The following ERV3-1 variants were observed in gnomAD, a reference collection of about 807,000 sequenced individuals.
ERV3-1 encodes the protein endogenous retrovirus group 3 member 1 Env polyprotein.
In ERV3-1, 36 loss-of-function variants were observed where a neutral mutation model predicts 24.6. That is an observed-to-expected ratio of 1.47 (90% CI 1.12 to 1.94). The LOEUF (loss-of-function observed/expected upper bound fraction) is 1.94. ERV3-1 is among the 30% of genes most tolerant of loss of function. ERV3-1 has a pLI of 0.00. For synonymous variants in ERV3-1, 211 were observed against 122.6 expected, an observed-to-expected ratio of 1.72 and a Z score of -4.76; for missense variants, 578 against 330.9, an observed-to-expected ratio of 1.75 and a Z score of -5.79.
chr7:64,998,343 A>G (rs1786449432), intron 1 of ERV3-1, among the ~76,000 whole-genome samples: 1 of 152,130 alleles, frequency 6.6e-6, no homozygotes, highest in Non-Finnish European at 1.5e-5. Context: ...TTTAGCCATG[A>G]GTCAATATAA....
In ERV3-1 at chr7:64,992,894, G is replaced by A. The variant is rs867748945; in HGVS notation, c.133C>T (p.Leu45=). The change falls in exon 2 of 2, where the codon CTG becomes TTG. Residue 45 remains leucine (L), a synonymous_variant. Coordinates refer to ENST00000394323, the MANE Select transcript of ERV3-1 (RefSeq NM_001007253.4). Reference sequence around the variant, plus strand: ...CACTCATAATAAGTGTGATACAACAGGGTTTTAGTCATGATGTTCCCCGAC... The same window carrying A: ...CACTCATAATAAGTGTGATACAACAAGGTTTTAGTCATGATGTTCCCCGAC... The part of the protein sequence containing the change: ...TWSGNIMTKT[L]LYHTYYECAG... 1.3e-6 allele frequency: 1 copy of A among 766,424 alleles called. No homozygotes were observed. Among genetic ancestry groups the A allele is most frequent in the Admixed American group, 1.7e-5 (1 of 59,030 alleles). 47.5% of individuals were successfully genotyped at this position (766,424 alleles called of 1,614,324 possible). A position where few individuals can be genotyped will look rare whatever the true frequency, so the allele number is the denominator to read the frequency against.
intron 1 of ERV3-1, among the ~76,000 whole-genome samples, chr7:64,996,125 A>G (rs532676568): frequency 6.6e-6 from 1 of 152,306 alleles, no homozygotes; most frequent in African/African-American, 2.4e-5. Flanking sequence ...GTACTACTGG[A>G]TGTATGGTCA....
chr7:65,002,231 C>T (rs1256354396), intron 1 of ERV3-1, among the ~76,000 whole-genome samples: 1 of 152,304 alleles, frequency 6.6e-6, no homozygotes, highest in East Asian at 1.9e-4. Context: ...TCTTGTCTGA[C>T]TTATCACATA....
In ERV3-1 at chr7:64,991,499, A is replaced by T; in HGVS notation, c.1528T>A (p.Tyr510Asn). 1.4e-6 allele frequency: 1 copy of T among 704,146 alleles called. No individual in the cohort carries two copies. The highest frequency in any genetic ancestry group is 2.6e-6 in the Non-Finnish European group (1 of 385,008). 43.6% of individuals were successfully genotyped at this position (704,146 alleles called of 1,614,324 possible). The change falls in exon 2 of 2, where the codon TAC becomes AAC. Residue 510 changes from tyrosine to asparagine, a missense_variant. Coordinates refer to ENST00000394323, the MANE Select transcript of ERV3-1 (RefSeq NM_001007253.4). ...DGMWGYRTPV[Y>N]MLNRIIRLQA... Reference sequence around the variant, plus strand: ...AATCTTATAATGCGGTTAAGCATGTAAACTGGGGTGCGGTATCCCCACATT... The same window carrying T: ...AATCTTATAATGCGGTTAAGCATGTTAACTGGGGTGCGGTATCCCCACATT...
chr7:65,000,039 T>C (rs1786485699), intron 1 of ERV3-1, among the ~76,000 whole-genome samples: 1 of 152,288 alleles, frequency 6.6e-6, no homozygotes, highest in African/African-American at 2.4e-5. Context: ...AGGCACCTCA[T>C]AATTGGGTTT....
intron 1 of ERV3-1, among the ~76,000 whole-genome samples, chr7:64,996,302 A>G (rs373321716): frequency 5.1e-4 from 77 of 152,270 alleles, no homozygotes; most frequent in Admixed American, 2.0e-3. Flanking sequence ...AAATGCCCCA[A>G]ATATCCTCTT....
chr7:64,994,742 A>G (rs1020449263), intron 1 of ERV3-1, among the ~76,000 whole-genome samples: 2 of 152,204 alleles, frequency 1.3e-5, no homozygotes, highest in African/African-American at 4.8e-5. Flanking sequence ...TGGCAAAAGC[A>G]TATTTGGAAT....
chr7:64,994,932 A>G (rs1377730965), intron 1 of ERV3-1, among the ~76,000 whole-genome samples: 1 of 152,220 alleles, frequency 6.6e-6, no homozygotes, highest in Non-Finnish European at 1.5e-5. Flanking sequence ...GCTTCCATCT[A>G]TGAAGTATTC....
intron 1 of ERV3-1, among the ~76,000 whole-genome samples, chr7:64,999,258 C>G (rs145599979): frequency 6.6e-6 from 1 of 152,212 alleles, no homozygotes; most frequent in Non-Finnish European, 1.5e-5. Flanking sequence ...CCTTGGGTCA[C>G]GGGTCTCCCC....
In ERV3-1 at chr7:65,006,662, C is replaced by A; in HGVS notation, c.-510G>T. 1 of 1,507,708 alleles carries A rather than the reference C, an allele frequency of 6.6e-7. No individual in the cohort carries two copies. Among genetic ancestry groups the A allele is most frequent in the Non-Finnish European group, 9.2e-7 (1 of 1,088,198 alleles). The allele number at this position is 1,507,708 out of a possible 1,614,324, so 93.4% of individuals were successfully genotyped here. On this transcript the variant is annotated 5_prime_UTR_variant, in exon 1 of 2. Transcript: ENST00000394323. ...AGACACAGAGCAGTGAAGACTACAC[C>A]AGAAGCTCCGGCTGCCGCCAGAGAC...
rs777765621 is a variant in ERV3-1 at position 64,992,803 on chromosome 7, C to A, written c.224G>T (p.Arg75Met). ...QTTYSVCDPG[R>M]GQPYVCYDPK... ...GTCATAACACACATAAGGCTGGCCC[C>A]TTCCTGGGTCACAGACTGAGTAGGT... Residue 75 changes from arginine to methionine, a missense_variant, in exon 2 of 2, where the codon AGG becomes ATG. Transcript: ENST00000394323. The A allele has an allele frequency of 1.3e-6, 1 of 766,420 alleles. No homozygotes were observed. The highest frequency in any genetic ancestry group is 2.4e-6 in the Non-Finnish European group (1 of 417,910). The allele number at this position is 766,420 out of a possible 1,614,324, so 47.5% of individuals were successfully genotyped here.
At chr7:65,003,066 C>T (rs1786558636) in intron 1 of ERV3-1, among the ~76,000 whole-genome samples, 2 of 152,212 alleles carry the variant, frequency 1.3e-5, no homozygotes, top group Non-Finnish European at 2.9e-5. Flanking sequence ...CTGCATCTGT[C>T]TGTGGGTCCC....
Position 64,992,658 on chromosome 7 carries a change from A to G in ERV3-1, c.369T>C (p.Val123=), listed in dbSNP as rs751126280. 2 of 766,142 alleles carry G rather than the reference A, an allele frequency of 2.6e-6. No homozygotes were observed. Among genetic ancestry groups the G allele is most frequent in the South Asian group, 2.7e-5 (2 of 74,596 alleles). 47.5% of individuals were successfully genotyped at this position (766,142 alleles called of 1,614,324 possible). The change falls in exon 2 of 2, where the codon GTT becomes GTC. Residue 123 remains valine (V), a synonymous_variant. Coordinates refer to ENST00000394323, the MANE Select transcript of ERV3-1 (RefSeq NM_001007253.4). ...GTGAGCCCATGGATACTATCTGGCA[A>G]ACATCAAAGTATAAGGATACGACAT... ...GKDVVSLYFD[V]CQIVSMGSLF...
rs1786657339 is a variant in ERV3-1 at position 65,006,624 on chromosome 7, C to G, written c.-472G>C. ...GGTAACGAGGCCACAGAAGCTGGGCCTCTAGGAGCAGAAGACACAGAGCAG... is the reference window on the plus strand; with the variant it reads ...GGTAACGAGGCCACAGAAGCTGGGCGTCTAGGAGCAGAAGACACAGAGCAG... On this transcript the variant is annotated 5_prime_UTR_variant, in exon 1 of 2. Coordinates refer to ENST00000394323, the MANE Select transcript of ERV3-1 (RefSeq NM_001007253.4). The G allele has an allele frequency of 6.5e-7, 1 of 1,549,238 alleles. No homozygotes were observed. Among genetic ancestry groups the G allele is most frequent in the African/African-American group, 1.4e-5 (1 of 73,682 alleles).
intron 1 of ERV3-1, chr7:65,004,845 C>T (rs76903319): frequency 6.6e-6 from 1 of 151,330 alleles, no homozygotes; most frequent in Non-Finnish European, 1.5e-5. Flanking sequence ...AGTTGCTGCA[C>T]CATCTCACTG....
intron 1 of ERV3-1, among the ~76,000 whole-genome samples, chr7:64,996,138 G>A (rs571477244): frequency 2.6e-5 from 4 of 152,264 alleles, no homozygotes; most frequent in South Asian, 2.1e-4. Flanking sequence ...TATGGTCACC[G>A]TGGCTTGGTT....
chr7:64,998,810 G>C (rs536182093), intron 1 of ERV3-1, among the ~76,000 whole-genome samples: 2 of 152,070 alleles, frequency 1.3e-5, no homozygotes, highest in Non-Finnish European at 2.9e-5. Context: ...AGTCTCGGTC[G>C]GTTCCACACT....
intron 1 of ERV3-1, 175 bp downstream of exon 1, chr7:65,006,366 C>T: frequency 3.6e-6 from 4 of 1,102,704 alleles, no homozygotes; most frequent in Non-Finnish European, 5.3e-6. Context: ...GAGCTGTCAG[C>T]CCGGCCGCCA....
chr7:65,002,386 C>T (rs983658524), intron 1 of ERV3-1, among the ~76,000 whole-genome samples: 3 of 152,154 alleles, frequency 2.0e-5, no homozygotes, highest in Non-Finnish European at 4.4e-5. Flanking sequence ...TGTAGTGGCA[C>T]GATCTTGGGT....
Sources: allele counts gnomAD v4.1 joint callset (sites outside exome capture counted in the v4.1 genomes callset), GRCh38; gene constraint gnomAD v4.1.1; transcripts MANE v1.5; gene names NCBI Gene and HGNC (gene_info 2026-07-23, HGNC 2026-07-21).